NDST3: variants seen among roughly 807,000 people sequenced by gnomAD.
The protein encoded by NDST3 is bifunctional heparan sulfate N-deacetylase/N-sulfotransferase 3.
In NDST3, 58 loss-of-function variants were observed where a neutral mutation model predicts 96.1. The ratio of observed to expected loss-of-function variants is 0.60; its 90% CI spans 0.49 to 0.75. The LOEUF (loss-of-function observed/expected upper bound fraction) is 0.75, where lower values mean the gene tolerates loss of function less well. NDST3 is among the 30% of genes least tolerant of loss of function. The pLI is 0.00. For missense variants in NDST3, 788 were observed against 1,034.2 expected (o/e 0.76, Z 3.27); for synonymous variants, 333 against 359.7 (o/e 0.93, Z 0.84).
At chr4:118,057,809 G>A (rs1725551203) in intron 2 of NDST3, among the ~76,000 whole-genome samples, 1 of 151,466 alleles carries the variant, frequency 6.6e-6, no homozygotes, top group Non-Finnish European at 1.5e-5. Context: ...AGAGTGTAGA[G>A]CACTCAGTGG....
At chr4:118,241,638 T>C (rs1741014352) in intron 11 of NDST3, among the ~76,000 whole-genome samples, 1 of 152,252 alleles carries the variant, frequency 6.6e-6, no homozygotes, top group Non-Finnish European at 1.5e-5. Flanking sequence ...TCGTGAGGAA[T>C]GACATGTTCT....
chr4:118,106,635 T>C (rs1730206780), intron 3 of NDST3, among the ~76,000 whole-genome samples: 1 of 152,086 alleles, frequency 6.6e-6, no homozygotes, highest in Non-Finnish European at 1.5e-5. Flanking sequence ...TAAAAATATC[T>C]AATTGGTTAG....
chr4:118,085,195 C>A (rs1578607265), intron 2 of NDST3, among the ~76,000 whole-genome samples: 1 of 151,956 alleles, frequency 6.6e-6, no homozygotes, highest in East Asian at 1.9e-4. Flanking sequence ...ATCAAGTATG[C>A]GGAATTAAGT....
intron 8 of NDST3, among the ~76,000 whole-genome samples, chr4:118,227,697 C>T (rs1739989853): frequency 1.3e-5 from 2 of 151,392 alleles, no homozygotes; most frequent in Admixed American, 6.6e-5. Flanking sequence ...CTGCAAACTC[C>T]GCCTCCCGGG....
At chr4:118,072,474 T>C (rs1026919663) in intron 2 of NDST3, among the ~76,000 whole-genome samples, 2 of 152,084 alleles carry the variant, frequency 1.3e-5, no homozygotes, top group South Asian at 2.1e-4. Flanking sequence ...CTAGGTATTT[T>C]GGTTTGTGAA....
At chr4:118,116,515 T>C (rs532483092) in intron 4 of NDST3, among the ~76,000 whole-genome samples, 1 of 152,346 alleles carries the variant, frequency 6.6e-6, no homozygotes, top group Non-Finnish European at 1.5e-5. Flanking sequence ...AATGCCAATA[T>C]TATGTTTATG....
chr4:118,195,779 G>A (rs990244903), intron 6 of NDST3, among the ~76,000 whole-genome samples: 2 of 152,130 alleles, frequency 1.3e-5, no homozygotes, highest in African/African-American at 2.4e-5. Flanking sequence ...CCAAATATAA[G>A]ATACCATCTG....
chr4:118,226,935 C>T lies in NDST3; in HGVS notation c.1772C>T (p.Thr591Ile), dbSNP rs770759706. 1.9e-6 allele frequency: 3 copies of T among 1,613,572 alleles called. No individual in the cohort carries two copies. Among genetic ancestry groups the T allele is most frequent in the Non-Finnish European group, 2.5e-6 (3 of 1,179,842 alleles). Reference protein sequence around the residue: ...RHRDIWSKEKTCDRLPKFLVI... With the variant: ...RHRDIWSKEKICDRLPKFLVI... ...AGAGACATTTGGTCTAAAGAAAAAA[C>T]TTGTGATCGCTTACCAAAATTCTTG... The change falls in exon 8 of 14, where the codon ACT (threonine) becomes ATT (isoleucine). Residue 591 changes from threonine (T) to isoleucine (I), a missense_variant. Around this residue, in one of 3 missense-constraint regions of NDST3, gnomAD observed 490 missense variants for 708.8 expected, o/e 0.69. Transcript: ENST00000296499.
chr4:118,155,176 T>C (rs1734643015), intron 6 of NDST3, among the ~76,000 whole-genome samples: 1 of 152,216 alleles, frequency 6.6e-6, no homozygotes, highest in Non-Finnish European at 1.5e-5. Context: ...ATTTTTCTAT[T>C]ATTAATGTTC....
At chr4:118,057,579 A>G (rs568478384) in intron 2 of NDST3, among the ~76,000 whole-genome samples, 42 of 152,220 alleles carry the variant, frequency 2.8e-4, no homozygotes, top group African/African-American at 1.0e-3. Flanking sequence ...GTCAGAGACC[A>G]GGAAGCTGAG....
At chr4:118,170,504 C>T (rs1214254491) in intron 6 of NDST3, among the ~76,000 whole-genome samples, 1 of 152,126 alleles carries the variant, frequency 6.6e-6, no homozygotes, top group Admixed American at 6.6e-5. Flanking sequence ...CAGAGGTCGG[C>T]AGATCACGAG....
intron 2 of NDST3, among the ~76,000 whole-genome samples, chr4:118,095,310 A>G (rs1056032430): frequency 6.6e-6 from 1 of 151,838 alleles, no homozygotes; most frequent in Non-Finnish European, 1.5e-5. Context: ...AGGAAATGAT[A>G]CAATATAAGG....
At chr4:118,123,753 G>T (rs1347654286) in intron 4 of NDST3, among the ~76,000 whole-genome samples, 1 of 151,980 alleles carries the variant, frequency 6.6e-6, no homozygotes, top group Non-Finnish European at 1.5e-5. Context: ...ATTCTGGAGG[G>T]AACTCTAAGA....
intron 10 of NDST3, among the ~76,000 whole-genome samples, chr4:118,239,543 G>A (rs962487891): frequency 1.3e-5 from 2 of 152,080 alleles, no homozygotes; most frequent in African/African-American, 4.8e-5. Context: ...CCAAGTATCT[G>A]GAGAAAAGAG....
rs1468946951 is a variant in NDST3, at chr4:118,138,259, C to A, written c.1410+20C>A. The A allele has an allele frequency of 1.3e-6, 2 of 1,597,072 alleles. No homozygotes were observed. The highest frequency in any genetic ancestry group is 2.3e-5 in the South Asian group (2 of 88,790). On this transcript the variant is annotated intron_variant, in intron 5 of 13. Coordinates refer to ENST00000296499, the MANE Select transcript of NDST3 (RefSeq NM_004784.3). ...ATCATGGTGAGCTTCCTCCAGTATG[C>A]ATAGGGTACAACTAATTCTGCAAGA... is the stretch of plus-strand genomic sequence containing the variant.
intron 6 of NDST3, among the ~76,000 whole-genome samples, chr4:118,185,218 A>C (rs1736866522): frequency 6.6e-6 from 1 of 152,002 alleles, no homozygotes; most frequent in Admixed American, 6.6e-5. Flanking sequence ...TGTTACCATT[A>C]ATTATTTAAT....
chr4:118,156,859 T>A (rs750873303), intron 6 of NDST3, among the ~76,000 whole-genome samples: 1 of 152,218 alleles, frequency 6.6e-6, no homozygotes. Flanking sequence ...GAGCAAATGG[T>A]ACAACCCTAA....
At chr4:118,166,655 A>G (rs755356498) in intron 6 of NDST3, among the ~76,000 whole-genome samples, 1 of 152,046 alleles carries the variant, frequency 6.6e-6, no homozygotes, top group Non-Finnish European at 1.5e-5. Context: ...CCTCAAAAAA[A>G]TAGTGCAAAC....
chr4:118,085,836 C>A (rs952311526), intron 2 of NDST3, among the ~76,000 whole-genome samples: 2 of 152,140 alleles, frequency 1.3e-5, no homozygotes, highest in African/African-American at 4.8e-5. Context: ...ATTCTGTCAA[C>A]CTGTTTAGCT....
Sources: allele counts gnomAD v4.1 joint callset (sites outside exome capture counted in the v4.1 genomes callset), GRCh38; gene constraint gnomAD v4.1.1; regional missense constraint gnomAD v4.1.1; transcripts MANE v1.5; gene names NCBI Gene and HGNC (gene_info 2026-07-23, HGNC 2026-07-21).